The following ZNF277 variants were observed in gnomAD, a reference collection of about 807,000 sequenced individuals.
ZNF277 encodes zinc finger protein 277.
A neutral mutation model predicts 60.7 loss-of-function variants in ZNF277; 55 were observed. The ratio of observed to expected loss-of-function variants is 0.91; its 90% confidence interval spans 0.73 to 1.13. The LOEUF (loss-of-function observed/expected upper bound fraction) is 1.13. ZNF277 is among the 50% of genes most tolerant of loss of function. The pLI is 0.00. For synonymous variants in ZNF277, 178 were observed against 179.3 expected, an observed-to-expected ratio of 0.99 and a Z score of 0.06; for missense variants, 510 against 523.0, an observed-to-expected ratio of 0.98 and a Z score of 0.24.
intron 1 of ZNF277, among the ~76,000 whole-genome samples, chr7:112,219,160 CAG>C (rs1821962258): frequency 6.6e-6 from 1 of 152,206 alleles, no homozygotes; most frequent in South Asian, 2.1e-4. Context: ...GCCATCCTAA[CAG>C]GGGATATCTC....
chr7:112,330,457 G>GA, intron 7 of ZNF277: 1 of 362,388 alleles, frequency 2.8e-6, no homozygotes. Context: ...CAGTCATCTT[G>GA]ACCAAAAAAA....
chr7:112,221,673 G>A (rs1281651122), intron 1 of ZNF277, among the ~76,000 whole-genome samples: 1 of 152,202 alleles, frequency 6.6e-6, no homozygotes, highest in Non-Finnish European at 1.5e-5. Flanking sequence ...CTCATAAGGA[G>A]TGTGCAACCT....
intron 1 of ZNF277, among the ~76,000 whole-genome samples, chr7:112,273,496 A>T (rs1300066481): frequency 6.6e-6 from 1 of 152,144 alleles, no homozygotes; most frequent in East Asian, 1.9e-4. Flanking sequence ...TCTTTCAGGG[A>T]TATGAAGTTA....
chr7:112,224,854 T>A lies in ZNF277; in HGVS notation c.91+18047T>A, dbSNP rs868659409. On this transcript the variant is annotated intron_variant, in intron 1 of 11. Transcript: ENST00000361822. ...AGTTATTAAAAGTCCTGAAAAAAAT[T>A]TAGGGCTGGGTGTGGTGGTGGCTCA... Among the ~76,000 whole-genome samples, 22 of 152,126 alleles carry A rather than the reference T, an allele frequency of 1.4e-4. No individual in the cohort carries two copies. The Middle Eastern group carries it at 0.01, about 71-fold the overall frequency.
chr7:112,332,105 C>T (rs375460570), intron 7 of ZNF277, among the ~76,000 whole-genome samples: 3 of 152,144 alleles, frequency 2.0e-5, no homozygotes, highest in African/African-American at 4.8e-5. Flanking sequence ...ATACAGGGCA[C>T]GGATTTGATG....
intron 1 of ZNF277, among the ~76,000 whole-genome samples, chr7:112,261,606 C>G (rs1327076398): frequency 6.6e-6 from 1 of 152,054 alleles, no homozygotes; most frequent in Non-Finnish European, 1.5e-5. Flanking sequence ...CTTGCTTCTT[C>G]CCTAAATACT....
In ZNF277 at chr7:112,264,201, T is replaced by C. The variant is rs554686788; in HGVS notation, c.92-22672T>C. On this transcript the variant is annotated intron_variant, in intron 1 of 11. Coordinates refer to ENST00000361822, the MANE Select transcript of ZNF277 (RefSeq NM_021994.3). ...AGCCAATGGATTATGTACACTAATA[T>C]TCATTAGCTTATGTATACTAATATT... is the stretch of plus-strand genomic sequence containing the variant. 3.9e-5 allele frequency among the ~76,000 whole-genome samples: 6 copies of C among 152,160 alleles called. No homozygotes were observed. In the South Asian group the frequency reaches 1.0e-3, roughly 26 times the overall value.
At chr7:112,278,411 A>G (rs1165493071) in intron 1 of ZNF277, among the ~76,000 whole-genome samples, 4 of 152,184 alleles carry the variant, frequency 2.6e-5, no homozygotes, top group African/African-American at 9.7e-5. Flanking sequence ...GGAATTGCTA[A>G]TAGATATCAG....
intron 5 of ZNF277, among the ~76,000 whole-genome samples, chr7:112,321,686 G>A (rs1053774979): frequency 2.0e-5 from 3 of 152,006 alleles, no homozygotes; most frequent in African/African-American, 7.2e-5. Flanking sequence ...CTGTTTATCT[G>A]GAAATGTCTT....
chr7:112,286,541 T>A (rs1326449606), intron 1 of ZNF277, among the ~76,000 whole-genome samples: 1 of 152,186 alleles, frequency 6.6e-6, no homozygotes, highest in African/African-American at 2.4e-5. Context: ...TGTTGCAGCC[T>A]TCCCCCTTGC....
At chr7:112,264,048 A>G (rs1237239015) in intron 1 of ZNF277, among the ~76,000 whole-genome samples, 1 of 152,134 alleles carries the variant, frequency 6.6e-6, no homozygotes, top group Non-Finnish European at 1.5e-5. Flanking sequence ...AACAAAATGT[A>G]TCTTGGCATT....
chr7:112,299,844 C>A (rs1205238595), intron 4 of ZNF277, among the ~76,000 whole-genome samples: 1 of 152,138 alleles, frequency 6.6e-6, no homozygotes, highest in Non-Finnish European at 1.5e-5. Flanking sequence ...ATTAGTAGGG[C>A]ATTTGCTGAC....
chr7:112,312,923 T>G (rs1792764185), intron 4 of ZNF277, among the ~76,000 whole-genome samples: 1 of 152,110 alleles, frequency 6.6e-6, no homozygotes, highest in Non-Finnish European at 1.5e-5. Context: ...CCAGACATAA[T>G]AGTTACATAT....
intron 1 of ZNF277, among the ~76,000 whole-genome samples, chr7:112,219,835 T>C (rs1563194735): frequency 6.6e-6 from 1 of 152,150 alleles, no homozygotes; most frequent in Non-Finnish European, 1.5e-5. Flanking sequence ...GAGATCTCAC[T>C]ATGTTAGCCC....
intron 4 of ZNF277, among the ~76,000 whole-genome samples, chr7:112,305,671 A>T (rs1348940840): frequency 6.6e-6 from 1 of 152,068 alleles, no homozygotes; most frequent in African/African-American, 2.4e-5. Context: ...TCACCAAAAA[A>T]CAAACCAAAA....
chr7:112,240,492 A>G (rs1790920697), intron 1 of ZNF277, among the ~76,000 whole-genome samples: 1 of 152,178 alleles, frequency 6.6e-6, no homozygotes, highest in East Asian at 1.9e-4. Context: ...TGATGTCACC[A>G]TTACACATTG....
At position 112,342,499 on chromosome 7, in the gene ZNF277, C is replaced by T. The variant is rs1304094741; in HGVS notation, c.1185-62C>T. 5 of 1,341,762 alleles carry T rather than the reference C, an allele frequency of 3.7e-6. No individual in the cohort carries two copies. In the African/African-American group the frequency reaches 6.0e-5, roughly 16 times the overall value. 83.1% of individuals were successfully genotyped at this position (1,341,762 alleles called of 1,614,324 possible). A position where few individuals can be genotyped will look rare whatever the true frequency, so the allele number is the denominator to read the frequency against. On this transcript the variant is annotated intron_variant, in intron 11 of 11. Transcript: ENST00000361822. ...CAAAATTATAGTAAATGTGTACATT[C>T]AGCTACCTGGACACTGTATTAGCTT...
chr7:112,258,200 G>T (rs989407985), intron 1 of ZNF277, among the ~76,000 whole-genome samples: 5 of 152,048 alleles, frequency 3.3e-5, no homozygotes, highest in Admixed American at 2.0e-4. Flanking sequence ...TGAGCCTTCT[G>T]CAAGGTAAGT....
intron 1 of ZNF277, among the ~76,000 whole-genome samples, chr7:112,266,674 T>C (rs1791559013): frequency 6.6e-6 from 1 of 152,084 alleles, no homozygotes; most frequent in Non-Finnish European, 1.5e-5. Context: ...AATTATAAAA[T>C]TTAGGTATGT....
Sources: gnomAD v4.1 joint callset for allele counts (sites outside exome capture counted in the v4.1 genomes callset) on GRCh38, gnomAD v4.1.1 for gene constraint, MANE v1.5 for transcripts, NCBI Gene and HGNC (gene_info 2026-07-23, HGNC 2026-07-21) for gene names.